Variants in MAF observed in about 807,000 individuals in gnomAD.
MAF encodes transcription factor Maf.
A neutral mutation model predicts 22.0 loss-of-function variants in MAF; 10 were observed. That is an observed-to-expected ratio of 0.45 (90% CI 0.28 to 0.77). The LOEUF (loss-of-function observed/expected upper bound fraction) is 0.77. Among genes scored for constraint, MAF ranks in the 30% least tolerant of loss-of-function variants. The probability of loss-of-function intolerance (pLI) is 0.12; values close to 1 mark genes in which losing one functional copy is unlikely to be tolerated. For missense variants in MAF, 544 were observed against 548.4 expected, an observed-to-expected ratio of 0.99 and a Z score of 0.08; for synonymous variants, 337 against 255.8, an observed-to-expected ratio of 1.32 and a Z score of -3.03.
the MAF span, among the ~76,000 whole-genome samples, chr16:79,393,536 T>G: frequency 6.6e-6 from 1 of 152,246 alleles, no homozygotes; most frequent in Non-Finnish European, 1.5e-5. Flanking sequence ...ATACAACTTC[T>G]GCCTGATTAG....
the MAF span, among the ~76,000 whole-genome samples, chr16:79,218,433 A>C: frequency 1.3e-5 from 2 of 152,074 alleles, no homozygotes; most frequent in African/African-American, 4.8e-5. Context: ...CTATCAATTG[A>C]TCTCCTCAGC....
At chr16:79,278,848 C>T in the MAF span, among the ~76,000 whole-genome samples, 3 of 152,008 alleles carry the variant, frequency 2.0e-5, no homozygotes, top group African/African-American at 2.4e-5. Flanking sequence ...ACTGGATCTT[C>T]GGGGCAAAGG....
chr16:79,204,104 G>T, the MAF span: 4 of 151,924 alleles, frequency 2.6e-5, no homozygotes, highest in Admixed American at 2.6e-4. Flanking sequence ...TGGCACTTCT[G>T]CTTGGCTATT....
the MAF span, among the ~76,000 whole-genome samples, chr16:79,429,352 G>C: frequency 6.6e-6 from 1 of 152,182 alleles, no homozygotes; most frequent in Non-Finnish European, 1.5e-5. Context: ...GACCGACGGA[G>C]GGATACTTTC....
the MAF span, among the ~76,000 whole-genome samples, chr16:79,457,981 T>G: frequency 6.6e-6 from 1 of 152,148 alleles, no homozygotes; most frequent in Non-Finnish European, 1.5e-5. Flanking sequence ...CTCACAACCT[T>G]TCTTATCTTT....
At chr16:79,456,228 T>C in the MAF span, among the ~76,000 whole-genome samples, 2 of 152,082 alleles carry the variant, frequency 1.3e-5, no homozygotes, top group Non-Finnish European at 2.9e-5. Flanking sequence ...GAAAGCATCC[T>C]GTGCAGAAAA....
At chr16:79,300,463 G>A in the MAF span, among the ~76,000 whole-genome samples, 2 of 152,128 alleles carry the variant, frequency 1.3e-5, no homozygotes, top group African/African-American at 4.8e-5. Context: ...GCTGAGTCAG[G>A]AGAATCACTT....
chr16:79,574,701 C>G, the MAF span, among the ~76,000 whole-genome samples: 1 of 152,162 alleles, frequency 6.6e-6, no homozygotes, highest in Admixed American at 6.5e-5. Context: ...AGTCTGGCTT[C>G]AAACTGAGGC....
At chr16:79,286,963 C>CA in the MAF span, among the ~76,000 whole-genome samples, 1 of 152,074 alleles carries the variant, frequency 6.6e-6, no homozygotes, top group Non-Finnish European at 1.5e-5. Context: ...AACAAACAGA[C>CA]AAAAAAACCC....
chr16:79,555,243 A>G, the MAF span, among the ~76,000 whole-genome samples: 15 of 152,132 alleles, frequency 9.9e-5, no homozygotes, highest in African/African-American at 3.6e-4. Flanking sequence ...TGGGATTGCA[A>G]TTCCCAGTAA....
the MAF span, among the ~76,000 whole-genome samples, chr16:79,438,550 C>A: frequency 6.6e-6 from 1 of 152,182 alleles, no homozygotes; most frequent in Non-Finnish European, 1.5e-5. Context: ...CTCCTGCAGA[C>A]ATTCCTCACT....
chr16:79,493,728 G>A, the MAF span, among the ~76,000 whole-genome samples: 2 of 152,190 alleles, frequency 1.3e-5, no homozygotes, highest in Admixed American at 6.5e-5. Flanking sequence ...ACCTCAGCTT[G>A]CATTATGAGT....
At chr16:79,216,017 T>G in the MAF span, among the ~76,000 whole-genome samples, 1 of 152,244 alleles carries the variant, frequency 6.6e-6, no homozygotes, top group Non-Finnish European at 1.5e-5. Flanking sequence ...TGGCTATTTC[T>G]GTGATAAATT....
At chr16:79,559,194 G>C in the MAF span, among the ~76,000 whole-genome samples, 1 of 152,126 alleles carries the variant, frequency 6.6e-6, no homozygotes. Flanking sequence ...GATGGCTGTG[G>C]AGGCCCTTGG....
chr16:79,494,267 C>G, the MAF span, among the ~76,000 whole-genome samples: 1 of 152,130 alleles, frequency 6.6e-6, no homozygotes, highest in South Asian at 2.1e-4. Context: ...TTCCTGGAGG[C>G]ACTGGGAAAA....
the MAF span, among the ~76,000 whole-genome samples, chr16:79,577,774 T>C: frequency 1.3e-5 from 2 of 152,228 alleles, no homozygotes; most frequent in Admixed American, 6.5e-5. Flanking sequence ...AGTCTATCTA[T>C]AGTAAAATTT....
chr16:79,472,963 A>G, the MAF span, among the ~76,000 whole-genome samples: 3 of 152,100 alleles, frequency 2.0e-5, no homozygotes, highest in South Asian at 4.1e-4. Flanking sequence ...AGCCAGTGTG[A>G]ACACAACACA....
chr16:79,516,840 C>A, the MAF span, among the ~76,000 whole-genome samples: 2 of 44,062 alleles, frequency 4.5e-5, no homozygotes, highest in Non-Finnish European at 5.9e-5. Context: ...CGTCTCAGGG[C>A]CAAGTTCTTT....
At chr16:79,253,006 A>G in the MAF span, among the ~76,000 whole-genome samples, 1 of 152,212 alleles carries the variant, frequency 6.6e-6, no homozygotes, top group Non-Finnish European at 1.5e-5. Flanking sequence ...TCACGCTTAA[A>G]TAAAATCCAC....
Sources: allele counts gnomAD v4.1 joint callset (sites outside exome capture counted in the v4.1 genomes callset), GRCh38; gene constraint gnomAD v4.1.1; transcripts MANE v1.5; gene names NCBI Gene and HGNC (gene_info 2026-07-23, HGNC 2026-07-21).